Variants in LPAR3 observed in about 807,000 individuals in gnomAD.
LPAR3 encodes LPA receptor 3.
In LPAR3, 7 loss-of-function variants were observed where a neutral mutation model predicts 17.8. The ratio of observed to expected loss-of-function variants is 0.39; its 90% CI spans 0.22 to 0.74. The LOEUF (loss-of-function observed/expected upper bound fraction) is 0.74, where lower values mean the gene tolerates loss of function less well. Among genes scored for constraint, LPAR3 ranks in the 30% least tolerant of loss-of-function variants. The probability of loss-of-function intolerance (pLI) is 0.40; values close to 1 mark genes in which losing one functional copy is unlikely to be tolerated. For missense variants in LPAR3, 391 were observed against 453.4 expected (o/e 0.86, Z 1.25); for synonymous variants, 179 against 179.9 (o/e 0.99, Z 0.04).
At chr1:84,815,874 C>T (rs892653431) in intron 2 of LPAR3, among the ~76,000 whole-genome samples, 2 of 152,154 alleles carry the variant, frequency 1.3e-5, no homozygotes, top group Non-Finnish European at 2.9e-5. Context: ...TTCATAATTA[C>T]GGTTCAGCAG....
chr1:84,890,792 C>G (rs1660539249), intron 1 of LPAR3, among the ~76,000 whole-genome samples: 1 of 152,158 alleles, frequency 6.6e-6, no homozygotes, highest in Non-Finnish European at 1.5e-5. Flanking sequence ...TGCCCCAGCC[C>G]AAAGAAATAA....
intron 2 of LPAR3, among the ~76,000 whole-genome samples, chr1:84,816,836 T>C (rs1169552498): frequency 6.6e-6 from 1 of 152,166 alleles, no homozygotes; most frequent in East Asian, 1.9e-4. Flanking sequence ...AATATCTTCA[T>C]TTACTTGAAA....
At chr1:84,828,151 A>C (rs1316189313) in intron 2 of LPAR3, among the ~76,000 whole-genome samples, 1 of 152,126 alleles carries the variant, frequency 6.6e-6, no homozygotes, top group Non-Finnish European at 1.5e-5. Flanking sequence ...GGCCCTCACT[A>C]AAAGCAGGCT....
chr1:84,871,123 TTTG>T (rs1181576765), intron 1 of LPAR3, among the ~76,000 whole-genome samples: 1 of 141,844 alleles, frequency 7.1e-6, no homozygotes, highest in Non-Finnish European at 1.7e-5. Flanking sequence ...CAAGCTGTTT[TTTG>T]TTTGTTTGTT....
At chr1:84,822,220 T>C (rs1659072767) in intron 2 of LPAR3, among the ~76,000 whole-genome samples, 1 of 152,202 alleles carries the variant, frequency 6.6e-6, no homozygotes, top group Admixed American at 6.5e-5. Flanking sequence ...TTTAATGATG[T>C]TCTACATTCC....
chr1:84,865,367 T>C lies in LPAR3; in HGVS notation c.736+18A>G, dbSNP rs1428806269. On this transcript the variant is annotated intron_variant, in intron 2 of 2. Transcript: ENST00000370611. ...TGAATGAATGGGAATGATGGCTTGCTTGGGTCCTCTTACCTACCTAAGACA... is the reference window on the plus strand; with the variant it reads ...TGAATGAATGGGAATGATGGCTTGCCTGGGTCCTCTTACCTACCTAAGACA... The C allele has an allele frequency of 3.8e-6, 6 of 1,590,558 alleles. No homozygotes were observed. The highest frequency in any genetic ancestry group is 3.4e-5 in the Admixed American group (2 of 58,240).
intron 2 of LPAR3, among the ~76,000 whole-genome samples, chr1:84,840,170 T>C (rs1659480481): frequency 6.6e-6 from 1 of 152,226 alleles, no homozygotes; most frequent in African/African-American, 2.4e-5. Context: ...GCAGTTCTCC[T>C]GCCTTGGCCT....
intron 2 of LPAR3, among the ~76,000 whole-genome samples, chr1:84,820,941 A>G (rs1659040695): frequency 6.6e-6 from 1 of 152,200 alleles, no homozygotes; most frequent in Non-Finnish European, 1.5e-5. Flanking sequence ...TTTTAAAAAA[A>G]ATGAAATAGA....
At chr1:84,887,373 CT>C (rs1055526992) in intron 1 of LPAR3, among the ~76,000 whole-genome samples, 6 of 144,986 alleles carry the variant, frequency 4.1e-5, no homozygotes, top group African/African-American at 1.6e-4. Flanking sequence ...GAGACCTTGT[CT>C]TAAAAAAAAA....
chr1:84,873,717 T>G (rs1476146518), intron 1 of LPAR3, among the ~76,000 whole-genome samples: 1 of 151,976 alleles, frequency 6.6e-6, no homozygotes, highest in African/African-American at 2.4e-5. Context: ...TTGGTTACTC[T>G]GCTTCTTTTG....
chr1:84,850,459 C>T (rs775018036), intron 2 of LPAR3, among the ~76,000 whole-genome samples: 6 of 150,064 alleles, frequency 4.0e-5, no homozygotes, highest in Admixed American at 2.0e-4. Flanking sequence ...TGGTGGTGTG[C>T]GCCTGTACTC....
intron 2 of LPAR3, among the ~76,000 whole-genome samples, chr1:84,857,085 C>T (rs1042434771): frequency 3.9e-5 from 6 of 152,094 alleles, no homozygotes; most frequent in African/African-American, 9.7e-5. Flanking sequence ...AAAGCACACC[C>T]GGTCAGCTTC....
chr1:84,888,339 C>T (rs552218983), intron 1 of LPAR3, among the ~76,000 whole-genome samples: 8 of 152,222 alleles, frequency 5.3e-5, no homozygotes, highest in South Asian at 2.1e-4. Flanking sequence ...CTTCCTTACC[C>T]CCATTCGACG....
chr1:84,865,206 A>C (rs1269552902), intron 2 of LPAR3, among the ~76,000 whole-genome samples, 179 bp downstream of exon 2: 1 of 152,092 alleles, frequency 6.6e-6, no homozygotes, highest in Non-Finnish European at 1.5e-5. Flanking sequence ...TACCCCCATT[A>C]GAATACTTAT....
intron 1 of LPAR3, among the ~76,000 whole-genome samples, chr1:84,874,764 T>G (rs561386805): frequency 6.6e-6 from 1 of 152,214 alleles, no homozygotes; most frequent in African/African-American, 2.4e-5. Flanking sequence ...TAAAAGATGC[T>G]AATCAAAATG....
intron 2 of LPAR3, among the ~76,000 whole-genome samples, chr1:84,859,980 C>T (rs182521655): frequency 1.1e-4 from 17 of 152,324 alleles, no homozygotes; most frequent in African/African-American, 3.8e-4. Context: ...TTTCAAAACC[C>T]TTTCTTAGGC....
rs545074182 is a variant in LPAR3, at chr1:84,813,901, T to G, written c.1007A>C (p.Gln336Pro). Residue 336 changes from glutamine (Q) to proline (P), a missense_variant, in exon 3 of 3, where the codon CAG becomes CCG. Coordinates refer to ENST00000370611, the MANE Select transcript of LPAR3 (RefSeq NM_012152.3). ...TTGGCTAATACTATCCTCTATGTAC[T>G]GGCTGCCTGTGTCACTCCTGCTGAG... is the stretch of plus-strand genomic sequence containing the variant. ...TVLSRSDTGSQYIEDSISQGA... is the reference protein window; with the variant it reads ...TVLSRSDTGSPYIEDSISQGA... 1 of 1,614,192 alleles carries G rather than the reference T, an allele frequency of 6.2e-7. No homozygotes were observed. Among genetic ancestry groups the G allele is most frequent in the East Asian group, 2.2e-5 (1 of 44,888 alleles).
Position 84,831,888 on chromosome 1 carries a change from T to C in LPAR3, c.737-17717A>G, listed in dbSNP as rs138808462. Among the ~76,000 whole-genome samples the C allele has an allele frequency of 3.0e-3, 449 of 150,848 alleles. 4 individuals carry two copies. Among genetic ancestry groups the C allele is most frequent in the African/African-American group, 9.4e-3 (388 of 41,264 alleles). ...CATATATGATATACATATATATATA[T>C]ACACACATATGCACATACACACACA... is the stretch of plus-strand genomic sequence containing the variant. On this transcript the variant is annotated intron_variant, in intron 2 of 2. Coordinates refer to ENST00000370611, the MANE Select transcript of LPAR3 (RefSeq NM_012152.3).
At chr1:84,881,173 G>GCA (rs1348261451) in intron 1 of LPAR3, among the ~76,000 whole-genome samples, 1 of 152,106 alleles carries the variant, frequency 6.6e-6, no homozygotes, top group Non-Finnish European at 1.5e-5. Flanking sequence ...GGGGTCACCT[G>GCA]CACGCTGAAG....
Sources: gnomAD v4.1 joint callset for allele counts (sites outside exome capture counted in the v4.1 genomes callset) on GRCh38, gnomAD v4.1.1 for gene constraint, MANE v1.5 for transcripts, NCBI Gene and HGNC (gene_info 2026-07-23, HGNC 2026-07-21) for gene names.